ZNF384: variants seen among roughly 807,000 people sequenced by gnomAD.
ZNF384 encodes the protein CAG repeat protein 1.
Under a neutral mutation model 65.0 loss-of-function variants are expected in ZNF384, and 20 were observed. The ratio of observed to expected loss-of-function variants is 0.31; its 90% CI spans 0.22 to 0.45. The LOEUF is 0.45. Ranked by LOEUF, ZNF384 falls within the 20% of genes least tolerant of loss-of-function variation. The probability of loss-of-function intolerance (pLI) is 1.00; values close to 1 mark genes in which losing one functional copy is unlikely to be tolerated. For synonymous variants in ZNF384, 310 were observed against 303.9 expected (o/e 1.02, Z -0.21); for missense variants, 549 against 769.4 (o/e 0.71, Z 3.39).
chr12:6,667,464 T>G lies in ZNF384; in HGVS notation c.*250A>C. ...GCACCGACCCCCAGTTTTAGAAGCT[T>G]TGCTTGGGAGGGGAGGCTGCTGGAT... is the stretch of plus-strand genomic sequence containing the variant. On this transcript the variant is annotated 3_prime_UTR_variant, in exon 12 of 12. Coordinates refer to ENST00000683879, the MANE Select transcript of ZNF384 (RefSeq NM_001385745.1). 1 of 601,498 alleles carries G rather than the reference T, an allele frequency of 1.7e-6. No individual in the cohort carries two copies. Among genetic ancestry groups the G allele is most frequent in the Non-Finnish European group, 3.0e-6 (1 of 337,580 alleles). The allele number at this position is 601,498 out of a possible 1,614,324, so 37.3% of individuals were successfully genotyped here.
Position 6,672,407 on chromosome 12 carries a change from T to A in ZNF384, c.1130A>T (p.Asn377Ile), listed in dbSNP as rs1951842948. The change falls in exon 9 of 12, where the codon AAC becomes ATC. Residue 377 changes from asparagine (N) to isoleucine (I), a missense_variant. Around this residue, in one of 5 missense-constraint regions of ZNF384, gnomAD observed 59 missense variants for 63.6 expected, o/e 0.93. Transcript: ENST00000683879. The surrounding 1 kb of genome is among the most constrained non-coding windows in gnomAD (Gnocchi z 4.4). ...LRIHSGAKPY[N>I]CSYCQKAFRQ... ...GAAGGCCTTCTGGCAGTAGGAACAG[T>A]TGTAGGGCTTGGCCCCCGAGTGGAT... 13 of 1,613,876 alleles carry A rather than the reference T, an allele frequency of 8.1e-6. No homozygotes were observed. Among genetic ancestry groups the A allele is most frequent in the Non-Finnish European group, 1.0e-5 (12 of 1,179,938 alleles).
intron 2 of ZNF384, among the ~76,000 whole-genome samples, chr12:6,686,197 C>T (rs560342662): frequency 1.3e-5 from 2 of 152,188 alleles, no homozygotes; most frequent in Admixed American, 6.5e-5. Flanking sequence ...CCTTAGAAAA[C>T]CATGAAATAC....
rs1013378643 is a variant in ZNF384, at chr12:6,673,541, T to C, written c.780-101A>G. Reference sequence around the variant, plus strand: ...GAGAAGCCCACCTATCTGAGGTCTCTCCTACTCCAACTTGAGAGTAGAGCT... The same window carrying C: ...GAGAAGCCCACCTATCTGAGGTCTCCCCTACTCCAACTTGAGAGTAGAGCT... On this transcript the variant is annotated intron_variant, in intron 7 of 11. Transcript: ENST00000683879. This position sits in a 1 kb window ranked among gnomAD's most constrained non-coding sequence, Gnocchi z 4.7. 8.3e-6 allele frequency: 8 copies of C among 958,838 alleles called. No homozygotes were observed. In the Admixed American group the frequency reaches 1.9e-4, roughly 23 times the overall value. The allele number at this position is 958,838 out of a possible 1,614,324, so 59.4% of individuals were successfully genotyped here.
rs1018134090 is a variant in ZNF384, at chr12:6,672,602, G to A, written c.1005-70C>T. On this transcript the variant is annotated intron_variant, in intron 8 of 11. Transcript: ENST00000683879. The surrounding 1 kb of genome is among the most constrained non-coding windows in gnomAD (Gnocchi z 4.4). ...GACACCAGGGGCTCAGCTCTCTGCT[G>A]GGTGAAATGACGTTGCTTGACGGAT... is the stretch of plus-strand genomic sequence containing the variant. 132 of 1,495,932 alleles carry A rather than the reference G, an allele frequency of 8.8e-5. 1 individual carries two copies. The East Asian group carries it at 3.0e-3, about 34-fold the overall frequency. The allele number at this position is 1,495,932 out of a possible 1,614,324, so 92.7% of individuals were successfully genotyped here.
intron 7 of ZNF384, among the ~76,000 whole-genome samples, chr12:6,675,918 T>C (rs1283011900): frequency 6.6e-6 from 1 of 152,186 alleles, no homozygotes; most frequent in Non-Finnish European, 1.5e-5. Context: ...AGAACCCAAC[T>C]GCCCCAATAG....
At chr12:6,685,186 G>A (rs186465447) in intron 2 of ZNF384, among the ~76,000 whole-genome samples, 3 of 152,204 alleles carry the variant, frequency 2.0e-5, no homozygotes, top group Admixed American at 2.0e-4. Context: ...AGCCGGGCAT[G>A]GTGGCTCACA....
Position 6,667,762 on chromosome 12 carries a change from G to C in ZNF384, c.1779C>G (p.Leu593=). ...CCTGGATGGTGCTGGTGGTGACAGT[G>C]AGGCAGATGTCCTTATGATGCTCCG... is the stretch of plus-strand genomic sequence containing the variant. The part of the protein sequence containing the change: ...KTAEHHKDIC[L]TVTTSTIQVE... Residue 593 remains leucine (L), a synonymous_variant, in exon 12 of 12, where the codon CTC becomes CTG. Coordinates refer to ENST00000683879, the MANE Select transcript of ZNF384 (RefSeq NM_001385745.1). The C allele has an allele frequency of 6.2e-7, 1 of 1,614,232 alleles. No homozygotes were observed. The highest frequency in any genetic ancestry group is 8.5e-7 in the Non-Finnish European group (1 of 1,180,046).
chr12:6,670,280 C>G (rs564657762), intron 10 of ZNF384, among the ~76,000 whole-genome samples: 6 of 152,094 alleles, frequency 3.9e-5, no homozygotes, highest in African/African-American at 1.4e-4. Flanking sequence ...ATGAAAAAAA[C>G]AGCCAGGTGT....
chr12:6,671,200 G>A (rs1037238073), intron 9 of ZNF384, among the ~76,000 whole-genome samples: 4 of 152,186 alleles, frequency 2.6e-5, no homozygotes, highest in African/African-American at 4.8e-5. Context: ...AAAGCAGAAC[G>A]CGTCTTCCTT....
chr12:6,672,292 C>T lies in ZNF384; in HGVS notation c.1187+58G>A, dbSNP rs1464383997. On this transcript the variant is annotated intron_variant, in intron 9 of 11. Coordinates refer to ENST00000683879, the MANE Select transcript of ZNF384 (RefSeq NM_001385745.1). This position sits in a 1 kb window ranked among gnomAD's most constrained non-coding sequence, Gnocchi z 4.4. ...TGCGGGTTGTTGTGTGTGTCCGGGG[C>T]GGGGGTGGGGAGGGCATGCCAGCGG... The T allele has an allele frequency of 3.9e-6, 6 of 1,535,190 alleles. No homozygotes were observed. Among genetic ancestry groups the T allele is most frequent in the African/African-American group, 1.4e-5 (1 of 73,624 alleles).
At chr12:6,683,013 G>T (rs914522558) in intron 2 of ZNF384, among the ~76,000 whole-genome samples, 14 of 152,164 alleles carry the variant, frequency 9.2e-5, no homozygotes, top group African/African-American at 3.4e-4. Flanking sequence ...TGGAGAGAAT[G>T]GGTGTGGTGG....
intron 2 of ZNF384, among the ~76,000 whole-genome samples, chr12:6,682,394 CAT>C (rs2137158222): frequency 6.6e-6 from 1 of 151,990 alleles, no homozygotes; most frequent in Non-Finnish European, 1.5e-5. Context: ...TGCGGTGGCT[CAT>C]GTGTGTAATC....
intron 3 of ZNF384, 111 bp from the exon 4 acceptor site, chr12:6,679,294 C>A: frequency 8.1e-7 from 1 of 1,228,818 alleles, no homozygotes; most frequent in Non-Finnish European, 1.2e-6. Context: ...AGGATGAGCA[C>A]TTCATACCTC....
Position 6,678,018 on chromosome 12 carries a change from G to A in ZNF384, c.686+109C>T, listed in dbSNP as rs1458652497. 4.8e-6 allele frequency: 5 copies of A among 1,038,254 alleles called. No individual in the cohort carries two copies. The highest frequency in any genetic ancestry group is 7.1e-6 in the Non-Finnish European group (5 of 703,930). The allele number at this position is 1,038,254 out of a possible 1,614,324, so 64.3% of individuals were successfully genotyped here. A position where few individuals can be genotyped will look rare whatever the true frequency, so the allele number is the denominator to read the frequency against. ...TGACATGCAAGTGGCTCAGAGCTGG[G>A]AAGCTGTCAGAGTGTAGCGCCTGAC... On this transcript the variant is annotated intron_variant, in intron 6 of 11. Transcript: ENST00000683879. This position sits in a 1 kb window ranked among gnomAD's most constrained non-coding sequence, Gnocchi z 4.9.
intron 2 of ZNF384, among the ~76,000 whole-genome samples, chr12:6,684,599 C>A (rs148251721): frequency 2.6e-5 from 4 of 152,204 alleles, no homozygotes; most frequent in Middle Eastern, 3.4e-3. Context: ...TGTGTCTGGT[C>A]CAAGGACAAG....
In ZNF384 at chr12:6,679,501, T is replaced by C. The variant is rs370191983; in HGVS notation, c.20A>G (p.Asn7Ser). Residue 7 changes from asparagine (N) to serine (S), a missense_variant, in exon 3 of 12, where the codon AAT (asparagine) becomes AGT (serine). Coordinates refer to ENST00000683879, the MANE Select transcript of ZNF384 (RefSeq NM_001385745.1). The stretch of plus-strand genomic sequence containing the variant: ...AGAAGGCCAGAAGTACGGGTTAGAA[T>C]TGAAGTGAGATTCTTCCATTCTACC... Reference protein sequence around the residue: MEESHFNSNPYFWPSIP... With the variant: MEESHFSSNPYFWPSIP... The C allele has an allele frequency of 2.0e-5, 33 of 1,614,040 alleles. No individual in the cohort carries two copies. Among genetic ancestry groups the C allele is most frequent in the South Asian group, 1.5e-4 (14 of 91,076 alleles).
chr12:6,686,457 T>C (rs1438505897), intron 2 of ZNF384, among the ~76,000 whole-genome samples: 3 of 152,204 alleles, frequency 2.0e-5, no homozygotes, highest in African/African-American at 4.8e-5. Context: ...TTTTGCTATG[T>C]TGGCCAGGCT....
chr12:6,682,506 G>A (rs1186835711), intron 2 of ZNF384, among the ~76,000 whole-genome samples: 1 of 152,154 alleles, frequency 6.6e-6, no homozygotes, highest in Non-Finnish European at 1.5e-5. Context: ...ACATTTGCCA[G>A]GCATGGTGGC....
chr12:6,666,972 G>A lies in ZNF384; in HGVS notation c.*742C>T, dbSNP rs889388315. 1 of 216,454 alleles carries A rather than the reference G, an allele frequency of 4.6e-6. No homozygotes were observed. The highest frequency in any genetic ancestry group is 9.3e-6 in the Non-Finnish European group (1 of 107,616). The allele number at this position is 216,454 out of a possible 1,614,324, so 13.4% of individuals were successfully genotyped here. A position where few individuals can be genotyped will look rare whatever the true frequency, so the allele number is the denominator to read the frequency against. ...CACAAAGCCTCCCACAGCTCCTTGG[G>A]GGTGGGTTGGGGAGACTGAGAGTAT... On this transcript the variant is annotated 3_prime_UTR_variant, in exon 12 of 12. Transcript: ENST00000683879.
Sources: gnomAD v4.1 joint callset for allele counts (sites outside exome capture counted in the v4.1 genomes callset) on GRCh38, gnomAD v4.1.1 for gene constraint, gnomAD v4.1.1 regional missense constraint, Gnocchi (gnomAD v3.1) non-coding constraint, MANE v1.5 for transcripts, NCBI Gene and HGNC (gene_info 2026-07-23, HGNC 2026-07-21) for gene names.